The following SGCZ variants were observed in gnomAD, a reference collection of about 807,000 sequenced individuals.
SGCZ encodes the protein sarcoglycan zeta, also known as zeta-sarcoglycan.
SGCZ carries 40 observed loss-of-function variants against 41.3 expected under a neutral mutation model. The ratio of observed to expected loss-of-function variants is 0.97; its 90% CI spans 0.75 to 1.26. The LOEUF (loss-of-function observed/expected upper bound fraction) is 1.26, where lower values mean the gene tolerates loss of function less well. SGCZ is among the 50% of genes most tolerant of loss of function. The pLI, the probability that SGCZ is intolerant of heterozygous loss-of-function variation, is 0.00. For missense variants in SGCZ, 552 were observed against 369.8 expected (o/e 1.49, Z -4.04); for synonymous variants, 206 against 137.5 (o/e 1.50, Z -3.49).
intron 1 of SGCZ, among the ~76,000 whole-genome samples, chr8:15,232,305 A>T (rs1231983431): frequency 6.6e-6 from 1 of 152,166 alleles, no homozygotes; most frequent in African/African-American, 2.4e-5. Flanking sequence ...TTGAGTTCAT[A>T]AATCTTAAAA....
intron 1 of SGCZ, among the ~76,000 whole-genome samples, chr8:14,825,508 T>C (rs1301640898): frequency 6.6e-6 from 1 of 152,228 alleles, no homozygotes; most frequent in African/African-American, 2.4e-5. Context: ...TACAAAATAA[T>C]TGTGACTTTA....
intron 3 of SGCZ, among the ~76,000 whole-genome samples, chr8:14,310,845 C>T (rs530213828): frequency 6.6e-6 from 1 of 151,960 alleles, no homozygotes; most frequent in Non-Finnish European, 1.5e-5. Flanking sequence ...TTCGGAAAAA[C>T]CAGTAGTAGC....
chr8:14,440,871 ACG>A lies in SGCZ; in HGVS notation c.234+113859_234+113860del, dbSNP rs1396381343. ...TATATGTACACACACACACACACAC[ACG>A]CACACACATACATGAGTAAGACTAG... On this transcript the variant is annotated intron_variant, in intron 2 of 7. Coordinates refer to ENST00000382080, the MANE Select transcript of SGCZ (RefSeq NM_139167.4). Among the ~76,000 whole-genome samples the A allele has an allele frequency of 4.6e-4, 70 of 151,184 alleles. 1 individual carries two copies. The highest frequency in any genetic ancestry group is 1.7e-3 in the African/African-American group (68 of 40,752).
At chr8:15,056,136 G>A (rs1804692929) in intron 1 of SGCZ, among the ~76,000 whole-genome samples, 1 of 152,096 alleles carries the variant, frequency 6.6e-6, no homozygotes, top group African/African-American at 2.4e-5. Context: ...AGCTCTCCCA[G>A]CCCCTTACTC....
At chr8:14,779,379 T>C (rs144176863) in intron 1 of SGCZ, among the ~76,000 whole-genome samples, 1 of 152,320 alleles carries the variant, frequency 6.6e-6, no homozygotes, top group East Asian at 1.9e-4. Context: ...ACTAATTTAT[T>C]GGACAGATGA....
rs150763170 is a variant in SGCZ at position 14,333,110 on chromosome 8, C to G, written c.235-8906G>C. Among the ~76,000 whole-genome samples the G allele has an allele frequency of 5.3e-5, 8 of 152,120 alleles. No homozygotes were observed. The East Asian group carries it at 1.4e-3, about 26-fold the overall frequency. ...TGTCAGCAAAAATCAACTGGTATAG[C>G]TCAGTCTAATATTAGTTACATGATG... is the stretch of plus-strand genomic sequence containing the variant. On this transcript the variant is annotated intron_variant, in intron 2 of 7. Transcript: ENST00000382080.
At chr8:14,398,582 A>T (rs1476936154) in intron 2 of SGCZ, among the ~76,000 whole-genome samples, 3 of 152,274 alleles carry the variant, frequency 2.0e-5, no homozygotes, top group African/African-American at 7.2e-5. Flanking sequence ...CACACTTCCA[A>T]GTTGCCTTGG....
chr8:15,056,378 C>T lies in SGCZ; in HGVS notation c.39+181207G>A, dbSNP rs79561649. ...AAATAATGATATCTTTTCTCTTCTG[C>T]TTCTCATTACATTTTCTGCAACATG... On this transcript the variant is annotated intron_variant, in intron 1 of 7. Transcript: ENST00000382080. 2.7e-3 allele frequency among the ~76,000 whole-genome samples: 415 copies of T among 152,252 alleles called. 2 individuals carry two copies. Among genetic ancestry groups the T allele is most frequent in the East Asian group, 0.018 (93 of 5,178 alleles).
intron 3 of SGCZ, among the ~76,000 whole-genome samples, chr8:14,253,440 C>G (rs1306863923): frequency 2.0e-5 from 3 of 151,990 alleles, no homozygotes; most frequent in African/African-American, 7.2e-5. Context: ...ATTACATTTC[C>G]TTGAAAGACT....
chr8:14,461,019 C>T (rs1311767610), intron 2 of SGCZ, among the ~76,000 whole-genome samples: 2 of 152,048 alleles, frequency 1.3e-5, no homozygotes, highest in Admixed American at 6.5e-5. Flanking sequence ...TTTTTCTTCT[C>T]ATCCCATAGC....
chr8:14,527,557 C>A (rs28446638), intron 2 of SGCZ, among the ~76,000 whole-genome samples: 5,556 of 135,690 alleles, frequency 0.041, 339 homozygotes, highest in African/African-American at 0.16. Context: ...TTTAAAAAAA[C>A]ATCAATAGCC....
chr8:14,124,297 C>A (rs770200464), intron 5 of SGCZ, among the ~76,000 whole-genome samples: 75 of 152,156 alleles, frequency 4.9e-4, no homozygotes, highest in Non-Finnish European at 9.7e-4. Context: ...CTCTCTCTCT[C>A]TCCCTTTTTA....
At chr8:14,405,893 G>C (rs1311482046) in intron 2 of SGCZ, among the ~76,000 whole-genome samples, 1 of 152,090 alleles carries the variant, frequency 6.6e-6, no homozygotes, top group Non-Finnish European at 1.5e-5. Context: ...TCTTTAGTGG[G>C]AGCTGAGCAG....
intron 1 of SGCZ, among the ~76,000 whole-genome samples, chr8:14,859,027 G>T (rs1803634840): frequency 6.6e-6 from 1 of 151,974 alleles, no homozygotes; most frequent in Admixed American, 6.6e-5. Flanking sequence ...TAACTTTTCT[G>T]TCAGTTATTA....
At chr8:14,824,984 A>G (rs550880920) in intron 1 of SGCZ, among the ~76,000 whole-genome samples, 1 of 152,218 alleles carries the variant, frequency 6.6e-6, no homozygotes, top group South Asian at 2.1e-4. Flanking sequence ...ACCAACACAT[A>G]TCCCTAAATT....
chr8:14,518,852 T>C (rs1373689062), intron 2 of SGCZ, among the ~76,000 whole-genome samples: 3 of 146,576 alleles, frequency 2.0e-5, no homozygotes, highest in Non-Finnish European at 3.0e-5. Flanking sequence ...ACGCCAGGAG[T>C]TCGAGACCAG....
intron 4 of SGCZ, among the ~76,000 whole-genome samples, chr8:14,206,982 G>T (rs938431236): frequency 9.2e-5 from 14 of 152,072 alleles, no homozygotes; most frequent in African/African-American, 3.1e-4. Flanking sequence ...GACCCCTGAG[G>T]TTCCGTCACT....
intron 2 of SGCZ, among the ~76,000 whole-genome samples, chr8:14,360,578 G>A (rs1027821196): frequency 9.9e-5 from 15 of 152,010 alleles, no homozygotes; most frequent in South Asian, 2.1e-4. Context: ...TGCCTGCCTC[G>A]GCCTCCAAAA....
At chr8:14,380,328 A>G (rs1272298148) in intron 2 of SGCZ, among the ~76,000 whole-genome samples, 1 of 152,124 alleles carries the variant, frequency 6.6e-6, no homozygotes, top group African/African-American at 2.4e-5. Flanking sequence ...GCATTCTTCA[A>G]TCAATATTAG....
Sources: gnomAD v4.1 joint callset for allele counts (sites outside exome capture counted in the v4.1 genomes callset) on GRCh38, gnomAD v4.1.1 for gene constraint, MANE v1.5 for transcripts, NCBI Gene and HGNC (gene_info 2026-07-23, HGNC 2026-07-21) for gene names.